PSMA1: variants seen among roughly 807,000 people sequenced by gnomAD.
PSMA1 encodes the protein proteasome subunit alpha type-1.
In PSMA1, 3 loss-of-function variants were observed where a neutral mutation model predicts 38.4. The observed-to-expected ratio is 0.08, with a 90% confidence interval of 0.04 to 0.20. The LOEUF (loss-of-function observed/expected upper bound fraction) is 0.20, where lower values mean the gene tolerates loss of function less well. Among genes scored for constraint, PSMA1 ranks in the 10% least tolerant of loss-of-function variants. The pLI, the probability that PSMA1 is intolerant of heterozygous loss-of-function variation, is 1.00. For missense variants in PSMA1, 227 were observed against 325.3 expected, an observed-to-expected ratio of 0.70 and a Z score of 2.32; for synonymous variants, 101 against 107.1, an observed-to-expected ratio of 0.94 and a Z score of 0.35.
chr11:14,515,583 C>T (rs1321988454), intron 4 of PSMA1, among the ~76,000 whole-genome samples: 4 of 148,242 alleles, frequency 2.7e-5, no homozygotes, highest in African/African-American at 7.5e-5. Flanking sequence ...TACTGAGTTT[C>T]GCTCTTGTTG....
At chr11:14,506,250 G>A (rs866294324) in intron 9 of PSMA1, among the ~76,000 whole-genome samples, 5 of 151,756 alleles carry the variant, frequency 3.3e-5, no homozygotes, top group East Asian at 1.9e-4. Context: ...CCATTTTATC[G>A]TACTTTGCAT....
chr11:14,642,147 AT>A (rs1179757530), intron 1 of PSMA1, among the ~76,000 whole-genome samples: 1 of 152,184 alleles, frequency 6.6e-6, no homozygotes, highest in Non-Finnish European at 1.5e-5. Flanking sequence ...ATTTGTTCTA[AT>A]TTTCAAATCA....
intron 4 of PSMA1, among the ~76,000 whole-genome samples, chr11:14,517,272 T>C (rs1452065104): frequency 1.3e-5 from 2 of 152,188 alleles, no homozygotes; most frequent in African/African-American, 4.8e-5. Context: ...AAATGTCTAA[T>C]AAATACTGAT....
At chr11:14,533,302 C>A (rs1158104809) in intron 2 of PSMA1, among the ~76,000 whole-genome samples, 1 of 152,178 alleles carries the variant, frequency 6.6e-6, no homozygotes, top group Non-Finnish European at 1.5e-5. Flanking sequence ...GGTCATCTCT[C>A]CACATTGATT....
intron 2 of PSMA1, among the ~76,000 whole-genome samples, chr11:14,600,367 G>A (rs1260159230): frequency 6.6e-6 from 1 of 152,154 alleles, no homozygotes; most frequent in Non-Finnish European, 1.5e-5. Flanking sequence ...AAGTCTAGAG[G>A]CAGTAGGCCT....
At chr11:14,557,365 G>T (rs1015643323) in intron 2 of PSMA1, among the ~76,000 whole-genome samples, 2 of 152,044 alleles carry the variant, frequency 1.3e-5, no homozygotes, top group Non-Finnish European at 2.9e-5. Context: ...AGCCTCCAGA[G>T]TAGCTGGGAC....
intron 2 of PSMA1, among the ~76,000 whole-genome samples, chr11:14,575,505 C>T (rs578211604): frequency 3.2e-4 from 48 of 151,858 alleles, no homozygotes; most frequent in Middle Eastern, 3.4e-3. Flanking sequence ...TTAGAACATG[C>T]GGTGTTTGGT....
At chr11:14,513,532 C>CA (rs59773789) in intron 7 of PSMA1, 38 bp downstream of exon 7, 7,170 of 1,150,320 alleles carry the variant, frequency 6.2e-3, no homozygotes, top group South Asian at 7.2e-3. Context: ...CTGGAAAAGG[C>CA]AAAAAAAAAA....
rs2133723660 is a variant in PSMA1, at chr11:14,634,921, G to T, written c.-166+8534C>A. On this transcript the variant is annotated intron_variant, in intron 1 of 10. Transcript: ENST00000418988. ...GATTGATGAAGGATGAAGAAATTTT[G>T]ATTGTTAGAGAAACTTGGAGCCCAC... 1.3e-5 allele frequency among the ~76,000 whole-genome samples: 2 copies of T among 152,304 alleles called. 1 individual carries two copies. Among genetic ancestry groups the T allele is most frequent in the South Asian group, 4.1e-4 (2 of 4,826 alleles).
At chr11:14,600,161 C>T (rs1852562322) in intron 2 of PSMA1, among the ~76,000 whole-genome samples, 1 of 152,122 alleles carries the variant, frequency 6.6e-6, no homozygotes, top group African/African-American at 2.4e-5. Context: ...GTCTGTTGGC[C>T]ACTACTGGGA....
At chr11:14,607,547 CA>C (rs1852657383) in intron 2 of PSMA1, among the ~76,000 whole-genome samples, 1 of 152,158 alleles carries the variant, frequency 6.6e-6, no homozygotes, top group Admixed American at 6.5e-5. Context: ...GATGTCTAGC[CA>C]AGTTGTCCTA....
At chr11:14,594,925 C>G (rs1390810754) in intron 2 of PSMA1, among the ~76,000 whole-genome samples, 1 of 143,030 alleles carries the variant, frequency 7.0e-6, no homozygotes, top group African/African-American at 2.6e-5. Context: ...CAACCCCCAA[C>G]AGGCCCCAAT....
intron 7 of PSMA1, among the ~76,000 whole-genome samples, chr11:14,513,226 G>C (rs1271283856): frequency 6.6e-6 from 1 of 152,132 alleles, no homozygotes; most frequent in African/African-American, 2.4e-5. Context: ...AAGACTCACA[G>C]AAAACTAAAA....
intron 2 of PSMA1, among the ~76,000 whole-genome samples, chr11:14,550,746 G>T (rs1166402834): frequency 2.0e-5 from 3 of 151,200 alleles, no homozygotes; most frequent in Non-Finnish European, 4.4e-5. Context: ...ATTTTTTTAC[G>T]GGAAAATAAC....
At chr11:14,516,825 C>A (rs1022293962) in intron 4 of PSMA1, among the ~76,000 whole-genome samples, 1 of 152,132 alleles carries the variant, frequency 6.6e-6, no homozygotes, top group Non-Finnish European at 1.5e-5. Context: ...ACTCGGGAGG[C>A]TGAGGCAGGA....
At chr11:14,632,627 A>G (rs1209006199) in intron 1 of PSMA1, among the ~76,000 whole-genome samples, 2 of 150,744 alleles carry the variant, frequency 1.3e-5, no homozygotes, top group African/African-American at 4.9e-5. Context: ...GCTTTGGTGA[A>G]TCTGACAATT....
At chr11:14,568,111 A>G (rs1055548497) in intron 2 of PSMA1, among the ~76,000 whole-genome samples, 2 of 152,220 alleles carry the variant, frequency 1.3e-5, no homozygotes, top group Non-Finnish European at 2.9e-5. Context: ...ATGCTAGGTC[A>G]ATGCTTCAGA....
chr11:14,620,437 A>G (rs765936793), intron 1 of PSMA1, among the ~76,000 whole-genome samples: 7 of 152,172 alleles, frequency 4.6e-5, no homozygotes, highest in Non-Finnish European at 1.0e-4. Context: ...AGCCCAGTAG[A>G]CTAGAGTCCC....
intron 1 of PSMA1, among the ~76,000 whole-genome samples, chr11:14,619,685 A>C (rs1852817865): frequency 1.3e-5 from 2 of 152,096 alleles, no homozygotes; most frequent in Non-Finnish European, 2.9e-5. Flanking sequence ...AAGAGTTGTG[A>C]TGTCTAACGG....
Sources: allele counts gnomAD v4.1 joint callset (sites outside exome capture counted in the v4.1 genomes callset), GRCh38; gene constraint gnomAD v4.1.1; transcripts MANE v1.5; gene names NCBI Gene and HGNC (gene_info 2026-07-23, HGNC 2026-07-21).